Variants in MYPN observed in about 807,000 individuals in gnomAD.
The protein encoded by MYPN is sarcomeric protein myopalladin, 145 kDa (MYOP).
In MYPN, 63 loss-of-function variants were observed where a neutral mutation model predicts 129.4. The ratio of observed to expected loss-of-function variants is 0.49; its 90% CI spans 0.40 to 0.60. The LOEUF (loss-of-function observed/expected upper bound fraction) is 0.60, where lower values mean the gene tolerates loss of function less well. Ranked by LOEUF, MYPN falls within the 20% of genes least tolerant of loss-of-function variation. The pLI, the probability that MYPN is intolerant of heterozygous loss-of-function variation, is 0.00. For synonymous variants in MYPN, 629 were observed against 600.9 expected (o/e 1.05, Z -0.68); for missense variants, 1,596 against 1,635.4 (o/e 0.98, Z 0.42).
At chr10:68,177,125 G>T (rs2043239241) in intron 12 of MYPN, among the ~76,000 whole-genome samples, 1 of 152,170 alleles carries the variant, frequency 6.6e-6, no homozygotes, top group Non-Finnish European at 1.5e-5. Flanking sequence ...ATACCCCATT[G>T]CCCAGCTCAG....
chr10:68,193,255 G>A (rs968812813), intron 13 of MYPN, among the ~76,000 whole-genome samples: 1 of 151,474 alleles, frequency 6.6e-6, no homozygotes, highest in African/African-American at 2.4e-5. Context: ...GCAAAGCCCA[G>A]ATAATTTCAC....
In MYPN at chr10:68,210,446, T is replaced by A; in HGVS notation, c.3954T>A (p.Asp1318Glu). The change falls in exon 20 of 20, where the codon GAT becomes GAA. Residue 1318 changes from aspartate (D) to glutamate (E), a missense_variant. Transcript: ENST00000358913. ...SCSSRSVVES[D>E]EL ...CTTCTCGGAGTGTAGTGGAGAGTGA[T>A]GAACTTTAAGAATGTCTAGGTACCT... 1 of 1,614,148 alleles carries A rather than the reference T, an allele frequency of 6.2e-7. No individual in the cohort carries two copies. Among genetic ancestry groups the A allele is most frequent in the East Asian group, 2.2e-5 (1 of 44,880 alleles).
chr10:68,121,638 T>C lies in MYPN; in HGVS notation c.200T>C (p.Leu67Pro). The change falls in exon 2 of 20, where the codon CTG (leucine) becomes CCG (proline). Residue 67 changes from leucine to proline, a missense_variant. Leu to Pro is a moderately conservative substitution (Grantham distance 98, BLOSUM62 -3). Coordinates refer to ENST00000358913, the MANE Select transcript of MYPN (RefSeq NM_032578.4). ...QDDLPDLSAFLSQEELDESVN... is the reference protein window; with the variant it reads ...QDDLPDLSAFPSQEELDESVN... Reference sequence around the variant, plus strand: ...GACCTTCCAGATCTTTCAGCCTTTCTGAGCCAAGAAGAATTAGACGAAAGT... The same window carrying C: ...GACCTTCCAGATCTTTCAGCCTTTCCGAGCCAAGAAGAATTAGACGAAAGT... The C allele has an allele frequency of 6.2e-7, 1 of 1,614,258 alleles. No homozygotes were observed. The highest frequency in any genetic ancestry group is 8.5e-7 in the Non-Finnish European group (1 of 1,180,050).
rs2134200452 is a variant in MYPN at position 68,174,429 on chromosome 10, C to T, written c.2337C>T (p.Ser779=). 1 of 1,614,072 alleles carries T rather than the reference C, an allele frequency of 6.2e-7. No homozygotes were observed. The highest frequency in any genetic ancestry group is 2.2e-5 in the East Asian group (1 of 44,866). ...SVQTKSPGGL[S]IQNEPLPPGP... Reference sequence around the variant, plus strand: ...AAACCAAATCTCCAGGAGGGCTTTCCATCCAAAATGAGCCACTCCCACCAG... The same window carrying T: ...AAACCAAATCTCCAGGAGGGCTTTCTATCCAAAATGAGCCACTCCCACCAG... Residue 779 remains serine, a synonymous_variant, in exon 11 of 20, where the codon TCC becomes TCT. Transcript: ENST00000358913.
At chr10:68,093,165 A>C (rs581778) in intron 1 of MYPN, among the ~76,000 whole-genome samples, 2,596 of 152,274 alleles carry the variant, frequency 0.017, 61 homozygotes, top group African/African-American at 0.058. Flanking sequence ...GGCGTGAGCC[A>C]CCAGGTCCAG....
At chr10:68,134,978 G>T (rs1276752022) in intron 2 of MYPN, among the ~76,000 whole-genome samples, 1 of 151,462 alleles carries the variant, frequency 6.6e-6, no homozygotes, top group Non-Finnish European at 1.5e-5. Flanking sequence ...TTTGAAACAG[G>T]TCTCACTCCT....
chr10:68,150,919 A>G (rs1022225121), intron 6 of MYPN, among the ~76,000 whole-genome samples: 1 of 152,194 alleles, frequency 6.6e-6, no homozygotes, highest in Non-Finnish European at 1.5e-5. Flanking sequence ...AATAGATTTT[A>G]TCCTCTTTGA....
intron 19 of MYPN, among the ~76,000 whole-genome samples, chr10:68,208,709 T>C (rs561174006): frequency 6.6e-6 from 1 of 152,200 alleles, no homozygotes; most frequent in South Asian, 2.1e-4. Context: ...GCACCAACAA[T>C]AGGCAGTGCT....
chr10:68,151,946 T>C (rs2042778130), intron 6 of MYPN, among the ~76,000 whole-genome samples: 1 of 152,136 alleles, frequency 6.6e-6, no homozygotes, highest in Non-Finnish European at 1.5e-5. Flanking sequence ...TGAGAACATA[T>C]GCCAAAGGTG....
intron 16 of MYPN, among the ~76,000 whole-genome samples, chr10:68,197,843 A>G (rs1312871504): frequency 1.3e-5 from 2 of 151,278 alleles, no homozygotes; most frequent in African/African-American, 4.9e-5. Context: ...AGCCCTATAT[A>G]TACTATTTTT....
intron 15 of MYPN, 115 bp from the exon 16 acceptor site, chr10:68,197,237 C>A: frequency 8.9e-7 from 1 of 1,127,696 alleles, no homozygotes; most frequent in Non-Finnish European, 1.3e-6. Context: ...TCCCCTTTCC[C>A]CCTTCAAAAA....
chr10:68,102,310 A>G (rs556641702), upstream of MYPN, among the ~76,000 whole-genome samples: 9 of 151,930 alleles, frequency 5.9e-5, no homozygotes, highest in Non-Finnish European at 8.8e-5. Flanking sequence ...TAAATTTTTT[A>G]TAGAGGTGGT....
chr10:68,200,491 C>T (rs188199087), intron 17 of MYPN, among the ~76,000 whole-genome samples: 220 of 151,822 alleles, frequency 1.4e-3, no homozygotes, highest in African/African-American at 5.0e-3. Flanking sequence ...GGCACGGTGG[C>T]TCACACCTGT....
At chr10:68,160,213 G>A (rs1362087246) in intron 7 of MYPN, among the ~76,000 whole-genome samples, 2 of 151,860 alleles carry the variant, frequency 1.3e-5, no homozygotes, top group Admixed American at 6.6e-5. Context: ...GGTAGTTTGA[G>A]ACCAGCCTGG....
At chr10:68,193,381 T>C (rs2043547625) in intron 13 of MYPN, among the ~76,000 whole-genome samples, 1 of 152,226 alleles carries the variant, frequency 6.6e-6, no homozygotes, top group South Asian at 2.1e-4. Context: ...TTAGTCATGA[T>C]ACTATATTTT....
rs1180583610 is a variant in MYPN, at chr10:68,122,245, C to T, written c.807C>T (p.Pro269=). Residue 269 remains proline (P), a synonymous_variant, in exon 2 of 20, where the codon CCC becomes CCT. Coordinates refer to ENST00000358913, the MANE Select transcript of MYPN (RefSeq NM_032578.4). ...ATGAAGAACCTCTGGGGCAACCTCC[C>T]CGGTTCACTCAAAAGTTACGGAGCA... The part of the protein sequence containing the change: ...LYYEEPLGQP[P]RFTQKLRSRE... 6.2e-7 allele frequency: 1 copy of T among 1,613,396 alleles called. No individual in the cohort carries two copies.
chr10:68,195,312 A>G lies in MYPN; in HGVS notation c.3076-138A>G, dbSNP rs2134281083. ...ACAATGATTTAAGAAATCATATTTT[A>G]TTGTTTTTATTTCTCTCCCCCAAAG... On this transcript the variant is annotated intron_variant, in intron 14 of 19. Transcript: ENST00000358913. 3 of 726,148 alleles carry G rather than the reference A, an allele frequency of 4.1e-6. No individual in the cohort carries two copies. In the South Asian group the frequency reaches 4.5e-5, roughly 11 times the overall value. 45.0% of individuals were successfully genotyped at this position (726,148 alleles called of 1,614,324 possible). A position where few individuals can be genotyped will look rare whatever the true frequency, so the allele number is the denominator to read the frequency against.
chr10:68,196,814 C>T (rs2043615057), intron 15 of MYPN, among the ~76,000 whole-genome samples: 1 of 151,900 alleles, frequency 6.6e-6, no homozygotes, highest in Admixed American at 6.6e-5. Context: ...CCTCCTCCTT[C>T]TCCTCCTCCT....
chr10:68,094,721 G>A (rs964792304), intron 1 of MYPN, among the ~76,000 whole-genome samples: 2 of 152,122 alleles, frequency 1.3e-5, no homozygotes, highest in African/African-American at 4.8e-5. Flanking sequence ...TTAAAGTTTA[G>A]CATTTTCAAA....
Sources: allele counts gnomAD v4.1 joint callset (sites outside exome capture counted in the v4.1 genomes callset), GRCh38; gene constraint gnomAD v4.1.1; transcripts MANE v1.5; gene names NCBI Gene and HGNC (gene_info 2026-07-23, HGNC 2026-07-21).